The following SPAG16 variants were observed in gnomAD, a reference collection of about 807,000 sequenced individuals.
The protein encoded by SPAG16 is sperm-associated antigen 16 protein.
A neutral mutation model predicts 80.4 loss-of-function variants in SPAG16; 86 were observed. The observed-to-expected ratio is 1.07, with a 90% CI of 0.90 to 1.28. SPAG16 has a LOEUF of 1.28. Among genes scored for constraint, SPAG16 ranks in the 50% most tolerant of loss-of-function variants. SPAG16 has a pLI of 0.00. For synonymous variants in SPAG16, 294 were observed against 265.9 expected, an observed-to-expected ratio of 1.11 and a Z score of -1.03; for missense variants, 870 against 765.3, an observed-to-expected ratio of 1.14 and a Z score of -1.61.
chr2:213,302,801 T>C (rs2062798270), intron 3 of SPAG16, among the ~76,000 whole-genome samples: 1 of 152,088 alleles, frequency 6.6e-6, no homozygotes, highest in Admixed American at 6.6e-5. Flanking sequence ...GTGTGCATGG[T>C]GCACATTCAG....
At chr2:213,844,850 A>G (rs553793005) in intron 10 of SPAG16, among the ~76,000 whole-genome samples, 143 of 152,304 alleles carry the variant, frequency 9.4e-4, no homozygotes, top group Non-Finnish European at 1.9e-3. Context: ...TGCTTTCCAA[A>G]TTAAAGGTTG....
chr2:214,200,067 C>T (rs185055753), intron 15 of SPAG16, among the ~76,000 whole-genome samples: 5 of 152,268 alleles, frequency 3.3e-5, no homozygotes, highest in Non-Finnish European at 5.9e-5. Flanking sequence ...TTGTCTTCCT[C>T]TCTTCCAATT....
rs1465519837 is a variant in SPAG16 at position 214,174,938 on chromosome 2, C to G, written c.1720+25672C>G. Among the ~76,000 whole-genome samples, 3 of 151,660 alleles carry G rather than the reference C, an allele frequency of 2.0e-5. No individual in the cohort carries two copies. The Admixed American group carries it at 2.0e-4, about 10-fold the overall frequency. On this transcript the variant is annotated intron_variant, in intron 15 of 15. Transcript: ENST00000331683. ...ATACCCTGCCTAGATAAAAAGGAGACTGAGAACTGTATTCCTTGGCATAGT... is the reference window on the plus strand; with the variant it reads ...ATACCCTGCCTAGATAAAAAGGAGAGTGAGAACTGTATTCCTTGGCATAGT...
chr2:213,744,638 T>A (rs1474934127), intron 10 of SPAG16, among the ~76,000 whole-genome samples: 1 of 152,144 alleles, frequency 6.6e-6, no homozygotes, highest in Non-Finnish European at 1.5e-5. Context: ...TTTAAATCAA[T>A]GGGAAGTATT....
chr2:214,163,909 G>C (rs1017870371), intron 15 of SPAG16, among the ~76,000 whole-genome samples: 10 of 151,872 alleles, frequency 6.6e-5, no homozygotes, highest in African/African-American at 2.2e-4. Context: ...AGGGTAATCT[G>C]CTTTACCCAA....
At chr2:213,419,223 T>C (rs1384440726) in intron 9 of SPAG16, among the ~76,000 whole-genome samples, 1 of 152,226 alleles carries the variant, frequency 6.6e-6, no homozygotes, top group Non-Finnish European at 1.5e-5. Flanking sequence ...AACTCCTTCC[T>C]GAAAATTCTA....
chr2:214,207,927 G>A (rs2058190099), intron 15 of SPAG16, among the ~76,000 whole-genome samples: 1 of 152,198 alleles, frequency 6.6e-6, no homozygotes, highest in South Asian at 2.1e-4. Context: ...TACACTAGTG[G>A]TTTGCCAGAG....
intron 9 of SPAG16, among the ~76,000 whole-genome samples, chr2:213,433,061 G>A (rs890939000): frequency 1.3e-5 from 2 of 152,020 alleles, no homozygotes; most frequent in African/African-American, 2.4e-5. Context: ...GCATCATTTC[G>A]CTATAAACAC....
At chr2:213,638,684 G>A (rs1213999192) in intron 10 of SPAG16, among the ~76,000 whole-genome samples, 1 of 152,164 alleles carries the variant, frequency 6.6e-6, no homozygotes, top group African/African-American at 2.4e-5. Context: ...CTTGGAGAAT[G>A]TTCCTTGTGC....
intron 7 of SPAG16, among the ~76,000 whole-genome samples, chr2:213,352,427 C>T (rs1017605588): frequency 1.3e-5 from 2 of 152,104 alleles, no homozygotes; most frequent in Admixed American, 1.3e-4. Context: ...CTTCCTATTT[C>T]CTATTCCAGA....
intron 13 of SPAG16, among the ~76,000 whole-genome samples, chr2:214,107,085 A>G (rs746770469): frequency 5.3e-5 from 8 of 152,048 alleles, no homozygotes; most frequent in African/African-American, 7.2e-5. Flanking sequence ...GTGAAGCCAA[A>G]CTGGATAACT....
chr2:213,478,858 A>T (rs1430243269), intron 9 of SPAG16, among the ~76,000 whole-genome samples: 1 of 152,124 alleles, frequency 6.6e-6, no homozygotes, highest in Non-Finnish European at 1.5e-5. Context: ...CTTCAATTTA[A>T]CCAATAGTCT....
intron 15 of SPAG16, among the ~76,000 whole-genome samples, chr2:214,153,624 A>G (rs571346073): frequency 6.6e-6 from 1 of 152,244 alleles, no homozygotes; most frequent in East Asian, 1.9e-4. Flanking sequence ...TTGGTGCACA[A>G]GAAAGATGCT....
intron 6 of SPAG16, among the ~76,000 whole-genome samples, chr2:213,344,818 T>G (rs991493796): frequency 2.0e-5 from 3 of 152,216 alleles, no homozygotes; most frequent in Non-Finnish European, 4.4e-5. Flanking sequence ...TTTGCTATTG[T>G]GAATAGTGCC....
At chr2:213,995,875 T>C (rs2046491151) in intron 12 of SPAG16, among the ~76,000 whole-genome samples, 1 of 152,222 alleles carries the variant, frequency 6.6e-6, no homozygotes, top group African/African-American at 2.4e-5. Context: ...GGCAATGCAA[T>C]AGAATGATAC....
chr2:213,745,562 A>G (rs1370860610), intron 10 of SPAG16, among the ~76,000 whole-genome samples: 3 of 152,134 alleles, frequency 2.0e-5, no homozygotes, highest in African/African-American at 4.8e-5. Context: ...CATACTTATT[A>G]AATATCATGA....
chr2:213,553,302 A>T (rs185494635), intron 10 of SPAG16, among the ~76,000 whole-genome samples: 77 of 152,310 alleles, frequency 5.1e-4, no homozygotes, highest in Non-Finnish European at 9.3e-4. Flanking sequence ...TGGAGCAAAA[A>T]TATGGAGAAT....
Position 213,335,372 on chromosome 2 carries a change from T to C in SPAG16, c.537-4791T>C, listed in dbSNP as rs2064302735. Among the ~76,000 whole-genome samples, 2 of 152,190 alleles carry C rather than the reference T, an allele frequency of 1.3e-5. 1 individual carries two copies. The highest frequency in any genetic ancestry group is 2.9e-5 in the Non-Finnish European group (2 of 68,018). The stretch of plus-strand genomic sequence containing the variant: ...CAAAACTGTCCTAAATTGCACTATC[T>C]TTTTTGTTAAAGTGAGTATATGTAA... On this transcript the variant is annotated intron_variant, in intron 5 of 15. Coordinates refer to ENST00000331683, the MANE Select transcript of SPAG16 (RefSeq NM_024532.5).
chr2:213,324,008 T>A (rs942116364), intron 5 of SPAG16, among the ~76,000 whole-genome samples: 1 of 152,128 alleles, frequency 6.6e-6, no homozygotes, highest in Non-Finnish European at 1.5e-5. Flanking sequence ...TCAAAGGGCA[T>A]AAAGTTTTAG....
Sources: allele counts gnomAD v4.1 joint callset (sites outside exome capture counted in the v4.1 genomes callset), GRCh38; gene constraint gnomAD v4.1.1; transcripts MANE v1.5; gene names NCBI Gene and HGNC (gene_info 2026-07-23, HGNC 2026-07-21).